The following IGFBP7 variants were observed in gnomAD, a reference collection of about 807,000 sequenced individuals.
IGFBP7 encodes insulin-like growth factor-binding protein 7.
In IGFBP7, 31 loss-of-function variants were observed where a neutral mutation model predicts 29.4. The ratio of observed to expected loss-of-function variants is 1.05; its 90% CI spans 0.79 to 1.42. The LOEUF (loss-of-function observed/expected upper bound fraction) is 1.42, where lower values mean the gene tolerates loss of function less well. Among genes scored for constraint, IGFBP7 ranks in the 40% most tolerant of loss-of-function variants. The pLI is 0.00. For missense variants in IGFBP7, 393 were observed against 395.5 expected (o/e 0.99, Z 0.05); for synonymous variants, 172 against 174.9 (o/e 0.98, Z 0.13).
intron 1 of IGFBP7, among the ~76,000 whole-genome samples, chr4:57,101,518 T>C (rs527547488): frequency 6.6e-6 from 1 of 152,326 alleles, no homozygotes; most frequent in Non-Finnish European, 1.5e-5. Flanking sequence ...TCCAGCTGTT[T>C]CTAATTAACT....
chr4:57,066,619 A>G (rs1369922976), intron 1 of IGFBP7, among the ~76,000 whole-genome samples: 2 of 151,480 alleles, frequency 1.3e-5, no homozygotes, highest in Admixed American at 1.3e-4. Context: ...GCTGGAGTGC[A>G]TTGGTGTGAT....
At chr4:57,082,266 G>T (rs924839658) in intron 1 of IGFBP7, among the ~76,000 whole-genome samples, 2 of 152,164 alleles carry the variant, frequency 1.3e-5, no homozygotes, top group African/African-American at 4.8e-5. Flanking sequence ...TAATAAGAAA[G>T]ACTTTCCTGA....
intron 1 of IGFBP7, chr4:57,065,619 G>A (rs1724901474): frequency 6.6e-6 from 1 of 152,242 alleles, no homozygotes; most frequent in Non-Finnish European, 1.5e-5. Flanking sequence ...CCGAGCTAGC[G>A]TCCTGCTGAG....
At chr4:57,090,264 C>T (rs1030532399) in intron 1 of IGFBP7, among the ~76,000 whole-genome samples, 6 of 152,284 alleles carry the variant, frequency 3.9e-5, no homozygotes, top group South Asian at 4.1e-4. Context: ...TCTTTGTTTG[C>T]GTAAGAATTT....
chr4:57,108,418 A>C (rs1026619480), intron 1 of IGFBP7, among the ~76,000 whole-genome samples: 2 of 152,234 alleles, frequency 1.3e-5, no homozygotes, highest in East Asian at 1.9e-4. Flanking sequence ...AGCTGCCAAC[A>C]TTGAATGTCT....
In IGFBP7 at chr4:57,033,190, C is replaced by G; in HGVS notation, c.702+5G>C. 6.3e-7 allele frequency: 1 copy of G among 1,579,860 alleles called. No individual in the cohort carries two copies. The highest frequency in any genetic ancestry group is 8.7e-7 in the Non-Finnish European group (1 of 1,148,594). On this transcript the variant is annotated splice_donor_5th_base_variant and intron_variant, in intron 3 of 4. Transcript: ENST00000295666. ...CTCTTGCCAGCTCTTGGTACTGGTA[C>G]TCACCAGCACCCAGCCAGTTACTTC... is the stretch of plus-strand genomic sequence containing the variant.
At chr4:57,063,528 A>G (rs1014403445) in intron 1 of IGFBP7, among the ~76,000 whole-genome samples, 2 of 152,258 alleles carry the variant, frequency 1.3e-5, no homozygotes, top group Admixed American at 6.5e-5. Context: ...ACAAGAGTTT[A>G]GGAACCATTC....
At chr4:57,099,519 A>G (rs1725840839) in intron 1 of IGFBP7, among the ~76,000 whole-genome samples, 1 of 152,200 alleles carries the variant, frequency 6.6e-6, no homozygotes, top group East Asian at 1.9e-4. Flanking sequence ...CCTCAGGTGA[A>G]AGCAAATACT....
At chr4:57,091,198 A>C (rs1725628364) in intron 1 of IGFBP7, among the ~76,000 whole-genome samples, 1 of 152,248 alleles carries the variant, frequency 6.6e-6, no homozygotes, top group Non-Finnish European at 1.5e-5. Flanking sequence ...GCACTTCCAC[A>C]TACTGGTAAT....
intron 2 of IGFBP7, among the ~76,000 whole-genome samples, chr4:57,040,430 T>A (rs1363779034): frequency 6.6e-6 from 1 of 152,216 alleles, no homozygotes; most frequent in Non-Finnish European, 1.5e-5. Context: ...GGTGGTATTT[T>A]GGGACAGAAA....
intron 1 of IGFBP7, among the ~76,000 whole-genome samples, chr4:57,050,242 TAA>T (rs1414912964): frequency 1.4e-5 from 2 of 141,432 alleles, no homozygotes; most frequent in African/African-American, 5.4e-5. Context: ...TATTTTTATT[TAA>T]GTTTTTTTTT....
At chr4:57,071,204 TGGG>T (rs34917245) in intron 1 of IGFBP7, among the ~76,000 whole-genome samples, 1 of 152,022 alleles carries the variant, frequency 6.6e-6, no homozygotes, top group Non-Finnish European at 1.5e-5. Flanking sequence ...TTTGATATAT[TGGG>T]GGGGAATGAA....
intron 2 of IGFBP7, among the ~76,000 whole-genome samples, chr4:57,034,039 G>A (rs1360172042): frequency 4.3e-5 from 4 of 94,074 alleles, no homozygotes; most frequent in Non-Finnish European, 5.7e-5. Context: ...AACAGAGTGA[G>A]ACTCCATCTC....
At chr4:57,074,669 C>T (rs930891141) in intron 1 of IGFBP7, among the ~76,000 whole-genome samples, 1 of 152,154 alleles carries the variant, frequency 6.6e-6, no homozygotes, top group African/African-American at 2.4e-5. Context: ...CCTATTTATA[C>T]CATTTGAAAA....
intron 2 of IGFBP7, among the ~76,000 whole-genome samples, chr4:57,037,257 G>T (rs903419000): frequency 6.6e-6 from 1 of 152,196 alleles, no homozygotes; most frequent in Non-Finnish European, 1.5e-5. Context: ...AGGAAAACCG[G>T]CAGAGCATCA....
At chr4:57,063,945 C>T (rs893415665) in intron 1 of IGFBP7, among the ~76,000 whole-genome samples, 10 of 152,180 alleles carry the variant, frequency 6.6e-5, no homozygotes, top group African/African-American at 2.4e-4. Flanking sequence ...AACGCTGTAG[C>T]AACATATTCC....
At chr4:57,096,190 C>T (rs1725759978) in intron 1 of IGFBP7, among the ~76,000 whole-genome samples, 1 of 150,218 alleles carries the variant, frequency 6.7e-6, no homozygotes, top group African/African-American at 2.5e-5. Context: ...TCTGAAATAG[C>T]CAAAAAGATA....
intron 1 of IGFBP7, among the ~76,000 whole-genome samples, chr4:57,087,983 T>G (rs1725536454): frequency 6.6e-6 from 1 of 152,206 alleles, no homozygotes; most frequent in Non-Finnish European, 1.5e-5. Context: ...TTTATGTTTA[T>G]TTTGATACAG....
chr4:57,082,633 G>C (rs1725398781), intron 1 of IGFBP7, among the ~76,000 whole-genome samples: 1 of 152,166 alleles, frequency 6.6e-6, no homozygotes, highest in South Asian at 2.1e-4. Context: ...AAATGCAAAA[G>C]TGCATGCTCA....
Sources: allele counts gnomAD v4.1 joint callset (sites outside exome capture counted in the v4.1 genomes callset), GRCh38; gene constraint gnomAD v4.1.1; transcripts MANE v1.5; gene names NCBI Gene and HGNC (gene_info 2026-07-23, HGNC 2026-07-21).